EYA1: variants seen among roughly 807,000 people sequenced by gnomAD.
EYA1 encodes EYA transcriptional coactivator and phosphatase 1.
In EYA1, 16 loss-of-function variants were observed where a neutral mutation model predicts 82.0. The ratio of observed to expected loss-of-function variants is 0.20; its 90% confidence interval spans 0.13 to 0.30. The LOEUF (loss-of-function observed/expected upper bound fraction) is 0.30. Among genes scored for constraint, EYA1 ranks in the 10% least tolerant of loss-of-function variants. EYA1 has a pLI of 1.00. For synonymous variants in EYA1, 261 were observed against 264.4 expected (o/e 0.99, Z 0.12); for missense variants, 633 against 730.7 (o/e 0.87, Z 1.54).
chr8:71,414,609 A>G (rs909250018), intron 2 of EYA1, among the ~76,000 whole-genome samples: 2 of 152,170 alleles, frequency 1.3e-5, no homozygotes, highest in African/African-American at 2.4e-5. Context: ...GTGGGCCAAA[A>G]CAGTTTTCTT....
intron 2 of EYA1, among the ~76,000 whole-genome samples, chr8:71,375,570 G>A (rs550993437): frequency 1.8e-4 from 27 of 152,210 alleles, no homozygotes; most frequent in Non-Finnish European, 2.6e-4. Flanking sequence ...AGTGAGGAGC[G>A]TTTTTCTCTG....
At chr8:71,412,380 A>T (rs1220856955) in intron 2 of EYA1, among the ~76,000 whole-genome samples, 1 of 146,870 alleles carries the variant, frequency 6.8e-6, no homozygotes, top group East Asian at 1.9e-4. Flanking sequence ...AAAGTATAAT[A>T]AAAAAATATA....
intron 17 of EYA1, among the ~76,000 whole-genome samples, chr8:71,205,836 G>C (rs900226265): frequency 6.6e-6 from 1 of 152,164 alleles, no homozygotes; most frequent in Non-Finnish European, 1.5e-5. Flanking sequence ...AGGGAAAGAA[G>C]AGCATGTTGT....
chr8:71,405,094 T>C (rs1409990704), intron 2 of EYA1, among the ~76,000 whole-genome samples: 1 of 152,078 alleles, frequency 6.6e-6, no homozygotes, highest in Non-Finnish European at 1.5e-5. Context: ...ATAAGAGTAG[T>C]ACAAGGTGCC....
chr8:71,215,325 T>C, intron 16 of EYA1, 62 bp downstream of exon 16: 1 of 1,552,786 alleles, frequency 6.4e-7, no homozygotes, highest in South Asian at 1.1e-5. Flanking sequence ...TTTATTGCCT[T>C]TCGTTTTTAT....
chr8:71,331,066 T>C (rs560387119), intron 4 of EYA1, among the ~76,000 whole-genome samples: 43 of 151,906 alleles, frequency 2.8e-4, no homozygotes, highest in African/African-American at 9.9e-4. Flanking sequence ...CCATCTCTAC[T>C]AAAACTTCAA....
intron 1 of EYA1, among the ~76,000 whole-genome samples, chr8:71,543,311 A>G (rs1815298500): frequency 6.6e-6 from 1 of 152,164 alleles, no homozygotes; most frequent in Non-Finnish European, 1.5e-5. Context: ...GGGGTGATGA[A>G]CTGCAGAGTG....
At chr8:71,503,606 A>G (rs1048598025) in intron 2 of EYA1, among the ~76,000 whole-genome samples, 1 of 152,228 alleles carries the variant, frequency 6.6e-6, no homozygotes, top group African/African-American at 2.4e-5. Context: ...CTTTTATGAC[A>G]TCGCCAAAAT....
intron 2 of EYA1, among the ~76,000 whole-genome samples, chr8:71,493,402 G>A (rs772870254): frequency 4.1e-4 from 63 of 152,188 alleles, no homozygotes; most frequent in Admixed American, 7.9e-4. Context: ...ACCTGGAATT[G>A]TGCCCATGTG....
chr8:71,256,502 C>A (rs1050778355), intron 11 of EYA1, among the ~76,000 whole-genome samples: 5 of 151,966 alleles, frequency 3.3e-5, no homozygotes, highest in African/African-American at 9.7e-5. Context: ...ACCTGCAATA[C>A]ACAGAGACAG....
At chr8:71,376,533 G>T (rs1475050537) in intron 2 of EYA1, among the ~76,000 whole-genome samples, 10 of 152,188 alleles carry the variant, frequency 6.6e-5, no homozygotes, top group Non-Finnish European at 1.0e-4. Flanking sequence ...GCAAATTAGA[G>T]GGTTATTGTA....
At chr8:71,271,688 C>A in intron 10 of EYA1, 70 bp downstream of exon 10, 1 of 1,562,054 alleles carries the variant, frequency 6.4e-7, no homozygotes, top group Non-Finnish European at 8.8e-7. Flanking sequence ...GTTTACGTAG[C>A]AGGTATGTAA....
intron 9 of EYA1, among the ~76,000 whole-genome samples, chr8:71,292,509 G>A (rs1464515876): frequency 2.6e-5 from 4 of 151,920 alleles, no homozygotes; most frequent in African/African-American, 9.7e-5. Context: ...AGTGAAATTT[G>A]AATTTACCAT....
chr8:71,497,808 A>C (rs1273540648), intron 2 of EYA1, among the ~76,000 whole-genome samples: 1 of 152,230 alleles, frequency 6.6e-6, no homozygotes, highest in Non-Finnish European at 1.5e-5. Flanking sequence ...TTATAAAATC[A>C]ACCTTAAAGT....
chr8:71,523,121 G>A (rs1282781471), intron 2 of EYA1, among the ~76,000 whole-genome samples: 3 of 150,736 alleles, frequency 2.0e-5, no homozygotes, highest in Non-Finnish European at 4.4e-5. Context: ...TTTCGGGCCT[G>A]GTCTTCCAAA....
intron 9 of EYA1, among the ~76,000 whole-genome samples, chr8:71,294,886 T>C (rs150573482): frequency 3.3e-5 from 5 of 152,038 alleles, no homozygotes; most frequent in Admixed American, 2.6e-4. Context: ...GGTGAAAAAA[T>C]AGACAAATGG....
At chr8:71,533,751 T>C (rs547272235) in intron 2 of EYA1, among the ~76,000 whole-genome samples, 6 of 152,312 alleles carry the variant, frequency 3.9e-5, no homozygotes, top group African/African-American at 1.2e-4. Context: ...TCTGAAGAGA[T>C]TGTGACACCT....
At chr8:71,501,923 C>G (rs909531970) in intron 2 of EYA1, among the ~76,000 whole-genome samples, 4 of 152,124 alleles carry the variant, frequency 2.6e-5, no homozygotes, top group South Asian at 2.1e-4. Flanking sequence ...AACATTGTAT[C>G]TTGTCTCTTT....
intron 11 of EYA1, among the ~76,000 whole-genome samples, chr8:71,253,592 C>T (rs553987059): frequency 7.2e-4 from 109 of 152,154 alleles, no homozygotes; most frequent in African/African-American, 2.4e-3. Flanking sequence ...AGAAACTACC[C>T]GTAGAGCAAA....
Sources: gnomAD v4.1 joint callset for allele counts (sites outside exome capture counted in the v4.1 genomes callset) on GRCh38, gnomAD v4.1.1 for gene constraint, MANE v1.5 for transcripts, NCBI Gene and HGNC (gene_info 2026-07-23, HGNC 2026-07-21) for gene names.